Variants in ANKRD11 observed in about 807,000 individuals in gnomAD.
ANKRD11 encodes ankyrin repeat domain 11.
A neutral mutation model predicts 195.7 loss-of-function variants in ANKRD11; 17 were observed. That is an observed-to-expected ratio of 0.09 (90% CI 0.06 to 0.13). ANKRD11 has a LOEUF of 0.13. Among genes scored for constraint, ANKRD11 ranks in the 10% least tolerant of loss-of-function variants. The probability of loss-of-function intolerance (pLI) is 1.00; values close to 1 mark genes in which losing one functional copy is unlikely to be tolerated. For synonymous variants in ANKRD11, 1,953 were observed against 1,528.1 expected (o/e 1.28, Z -6.49); for missense variants, 3,735 against 3,566.1 (o/e 1.05, Z -1.21).
chr16:89,295,998 T>TTTTTTTTTTTTC (rs2035410364), intron 4 of ANKRD11, among the ~76,000 whole-genome samples: 1 of 119,460 alleles, frequency 8.4e-6, no homozygotes, highest in Non-Finnish European at 1.7e-5. Flanking sequence ...TTTTTTTTTT[T>TTTTTTTTTTTTC]TTTTTTTTGA....
intron 1 of ANKRD11, among the ~76,000 whole-genome samples, chr16:89,439,027 A>T (rs1195370644): frequency 1.3e-5 from 2 of 151,902 alleles, no homozygotes; most frequent in African/African-American, 4.8e-5. Context: ...CAAAAATTTT[A>T]ACCTTTCTCT....
chr16:89,335,807 G>A (rs2038322400), intron 2 of ANKRD11, among the ~76,000 whole-genome samples: 1 of 152,168 alleles, frequency 6.6e-6, no homozygotes. Context: ...CTTGTTTTAC[G>A]GTTTGACCCA....
chr16:89,280,023 G>A lies in ANKRD11; in HGVS notation c.6519C>T (p.Val2173=), dbSNP rs1342667775. 2 of 1,612,576 alleles carry A rather than the reference G, an allele frequency of 1.2e-6. No homozygotes were observed. The highest frequency in any genetic ancestry group is 1.7e-6 in the Non-Finnish European group (2 of 1,179,954). The change falls in exon 9 of 13, where the codon GTC becomes GTT. Residue 2173 remains valine (V), a synonymous_variant. Transcript: ENST00000301030. ...CGGTGGAAACATCCCCACCGTTTATGACCCCGGGGGCCCCTGGAGGCATCT... is the reference window on the plus strand; with the variant it reads ...CGGTGGAAACATCCCCACCGTTTATAACCCCGGGGGCCCCTGGAGGCATCT... ...PEEMPPGAPG[V]INGGDVSTVV...
At chr16:89,354,565 G>A (rs1046704598) in intron 2 of ANKRD11, among the ~76,000 whole-genome samples, 1 of 152,178 alleles carries the variant, frequency 6.6e-6, no homozygotes, top group Non-Finnish European at 1.5e-5. Context: ...AGATTTGATT[G>A]TGTGTCATCA....
At chr16:89,445,723 C>G (rs1273009502) in intron 1 of ANKRD11, among the ~76,000 whole-genome samples, 1 of 152,062 alleles carries the variant, frequency 6.6e-6, no homozygotes, top group Non-Finnish European at 1.5e-5. Flanking sequence ...GCCTATAGTC[C>G]CAGCACTTTG....
chr16:89,334,266 T>G (rs1213952943), intron 2 of ANKRD11, among the ~76,000 whole-genome samples: 1 of 151,042 alleles, frequency 6.6e-6, no homozygotes, highest in East Asian at 1.9e-4. Flanking sequence ...TCAATGGCCT[T>G]CACAATCCCT....
intron 4 of ANKRD11, among the ~76,000 whole-genome samples, chr16:89,292,683 C>A (rs2035141876): frequency 6.6e-6 from 1 of 152,252 alleles, no homozygotes; most frequent in Admixed American, 6.5e-5. Flanking sequence ...CCTCAACGCA[C>A]AGATCTGAGA....
chr16:89,472,183 A>C (rs1461918247), intron 1 of ANKRD11, among the ~76,000 whole-genome samples: 1 of 152,156 alleles, frequency 6.6e-6, no homozygotes, highest in African/African-American at 2.4e-5. Flanking sequence ...TGCTGTCAAC[A>C]CTGCCCAATA....
intron 4 of ANKRD11, among the ~76,000 whole-genome samples, chr16:89,297,296 C>G (rs117512339): frequency 6.6e-6 from 1 of 152,232 alleles, no homozygotes; most frequent in Non-Finnish European, 1.5e-5. Context: ...CGTCAAAATA[C>G]ATTCTTGATT....
intron 2 of ANKRD11, among the ~76,000 whole-genome samples, chr16:89,393,815 G>C (rs1445856463): frequency 6.6e-6 from 1 of 152,182 alleles, no homozygotes; most frequent in Non-Finnish European, 1.5e-5. Context: ...CAGGCTCTAA[G>C]TATTTAATGA....
intron 2 of ANKRD11, among the ~76,000 whole-genome samples, chr16:89,411,980 G>C: frequency 8.1e-6 from 1 of 123,950 alleles, no homozygotes; most frequent in Non-Finnish European, 1.7e-5. Context: ...CCAGGTACTG[G>C]GCTGAGATGC....
chr16:89,293,115 C>A lies in ANKRD11; in HGVS notation c.227-1932G>T, dbSNP rs1007246711. Among the ~76,000 whole-genome samples the A allele has an allele frequency of 3.9e-5, 6 of 152,180 alleles. No homozygotes were observed. The South Asian group carries it at 1.2e-3, about 32-fold the overall frequency. On this transcript the variant is annotated intron_variant, in intron 4 of 12. Coordinates refer to ENST00000301030, the MANE Select transcript of ANKRD11 (RefSeq NM_013275.6). ...CTGGAGAAGCAGCTGAGAACCTCTG[C>A]AGGGCCCTGATCCCCAAGACCTAGC...
At position 89,284,417 on chromosome 16, in the gene ANKRD11, C is replaced by G. The variant is rs761634605; in HGVS notation, c.2125G>C (p.Glu709Gln). The G allele has an allele frequency of 6.2e-6, 10 of 1,613,332 alleles. No homozygotes were observed. The East Asian group carries it at 2.2e-4, about 36-fold the overall frequency. ...KLSKMKLEEK[E>Q]WLFKDEKSLK... ...GATTTTTCATCTTTAAAGAGCCATT[C>G]TTTTTCTTCTAATTTCATTTTGCTA... Residue 709 changes from glutamate to glutamine, a missense_variant, in exon 9 of 13, where the codon GAA becomes CAA. Transcript: ENST00000301030.
chr16:89,487,308 C>G (rs2057651519), intron 1 of ANKRD11, among the ~76,000 whole-genome samples: 1 of 152,174 alleles, frequency 6.6e-6, no homozygotes, highest in South Asian at 2.1e-4. Flanking sequence ...GAGTAATGGA[C>G]AGATCAAAAC....
intron 9 of ANKRD11, chr16:89,278,625 G>T (rs753452491): frequency 2.2e-6 from 1 of 460,120 alleles, no homozygotes; most frequent in Non-Finnish European, 4.4e-6. Flanking sequence ...GAGGAGGTGG[G>T]GGAAGGGACT....
chr16:89,355,174 T>C (rs1191442414), intron 2 of ANKRD11, among the ~76,000 whole-genome samples: 2 of 152,168 alleles, frequency 1.3e-5, no homozygotes, highest in Middle Eastern at 3.4e-3. Flanking sequence ...CATACTCCCA[T>C]CCCAGGCGAA....
At position 89,319,592 on chromosome 16, in the gene ANKRD11, G is replaced by C. The variant is rs552388713; in HGVS notation, c.-59-2514C>G. 4.6e-5 allele frequency among the ~76,000 whole-genome samples: 7 copies of C among 152,306 alleles called. No homozygotes were observed. The East Asian group carries it at 7.7e-4, about 17-fold the overall frequency. On this transcript the variant is annotated intron_variant, in intron 2 of 12. Coordinates refer to ENST00000301030, the MANE Select transcript of ANKRD11 (RefSeq NM_013275.6). Reference sequence around the variant, plus strand: ...GCTACAACATGTTACCGATGGCAGCGATGTGCTCGAGGCCCTGCAACCCCA... The same window carrying C: ...GCTACAACATGTTACCGATGGCAGCCATGTGCTCGAGGCCCTGCAACCCCA...
At chr16:89,443,715 C>T (rs886380475) in intron 1 of ANKRD11, among the ~76,000 whole-genome samples, 2 of 152,236 alleles carry the variant, frequency 1.3e-5, no homozygotes, top group African/African-American at 4.8e-5. Flanking sequence ...AGAGCGGGAA[C>T]ACCCCTTTAT....
chr16:89,416,487 T>C (rs1231544154), intron 2 of ANKRD11, among the ~76,000 whole-genome samples: 2 of 152,162 alleles, frequency 1.3e-5, no homozygotes, highest in African/African-American at 4.8e-5. Flanking sequence ...TTAATAGAGA[T>C]GGGGTTTCAC....
Sources: allele counts gnomAD v4.1 joint callset (sites outside exome capture counted in the v4.1 genomes callset), GRCh38; gene constraint gnomAD v4.1.1; transcripts MANE v1.5; gene names NCBI Gene and HGNC (gene_info 2026-07-23, HGNC 2026-07-21).